CMBL: variants seen among roughly 807,000 people sequenced by gnomAD.
The protein encoded by CMBL is carboxymethylenebutenolidase homolog, also known as carboxymethylenebutenolidase homolog (Pseudomonas).
In CMBL, 17 loss-of-function variants were observed where a neutral mutation model predicts 28.7. The observed-to-expected ratio is 0.59, with a 90% CI of 0.41 to 0.89. CMBL has a LOEUF of 0.89. Ranked by LOEUF, CMBL falls within the 40% of genes least tolerant of loss-of-function variation. CMBL has a pLI of 0.00. For missense variants in CMBL, 310 were observed against 298.5 expected (o/e 1.04, Z -0.28); for synonymous variants, 106 against 101.6 (o/e 1.04, Z -0.26).
chr5:10,284,836 C>T lies in CMBL; in HGVS notation c.466+1518G>A, dbSNP rs534460346. 5.3e-5 allele frequency among the ~76,000 whole-genome samples: 8 copies of T among 152,208 alleles called. No homozygotes were observed. In the East Asian group the frequency reaches 1.5e-3, roughly 29 times the overall value. On this transcript the variant is annotated intron_variant, in intron 4 of 5. Transcript: ENST00000296658. Reference sequence around the variant, plus strand: ...ATGTGTCTTTTTTGTTTTCGTTTATCTATTGGTCTGAATGCTTCTATATCA... The same window carrying T: ...ATGTGTCTTTTTTGTTTTCGTTTATTTATTGGTCTGAATGCTTCTATATCA...
intron 1 of CMBL, among the ~76,000 whole-genome samples, chr5:10,295,973 G>T (rs1244019350): frequency 6.6e-6 from 1 of 152,222 alleles, no homozygotes; most frequent in East Asian, 1.9e-4. Context: ...CTAAGCACGG[G>T]AAGGCTGTGA....
At chr5:10,304,982 T>C (rs1746971015) in intron 1 of CMBL, among the ~76,000 whole-genome samples, 1 of 152,154 alleles carries the variant, frequency 6.6e-6, no homozygotes, top group African/African-American at 2.4e-5. Flanking sequence ...ATGAGGTCCT[T>C]TATTGTGAGT....
intron 1 of CMBL, among the ~76,000 whole-genome samples, chr5:10,298,844 G>A (rs1478196017): frequency 6.6e-6 from 1 of 152,224 alleles, no homozygotes; most frequent in African/African-American, 2.4e-5. Context: ...AGTCAGACGA[G>A]ATCGCGCCAC....
chr5:10,283,576 C>T (rs564763091), intron 4 of CMBL, among the ~76,000 whole-genome samples: 2 of 152,106 alleles, frequency 1.3e-5, no homozygotes, highest in Non-Finnish European at 2.9e-5. Context: ...GTCAGGAGTT[C>T]GAGACCAGCC....
At chr5:10,280,773 C>A (rs1746484832) in intron 5 of CMBL, 141 bp from the exon 6 acceptor site, 2 of 764,454 alleles carry the variant, frequency 2.6e-6, no homozygotes, top group Non-Finnish European at 4.0e-6. Context: ...GAATTCTTTC[C>A]CACTAATTTT....
intron 1 of CMBL, among the ~76,000 whole-genome samples, chr5:10,292,449 C>T (rs1746740304): frequency 6.6e-6 from 1 of 152,164 alleles, no homozygotes. Flanking sequence ...TAGGCTCAAG[C>T]AATCATCCCA....
At chr5:10,298,398 T>C (rs1053361042) in intron 1 of CMBL, among the ~76,000 whole-genome samples, 11 of 151,064 alleles carry the variant, frequency 7.3e-5, no homozygotes, top group Admixed American at 4.6e-4. Context: ...GTAACCAATT[T>C]AAAAAAAAAG....
In CMBL at chr5:10,290,556, AT is replaced by A. The variant is rs1424152085; in HGVS notation, c.206del (p.Asn69MetfsTer12). 1 of 1,612,596 alleles carries A rather than the reference AT, an allele frequency of 6.2e-7. No individual in the cohort carries two copies. Among genetic ancestry groups the A allele is most frequent in the Non-Finnish European group, 8.5e-7 (1 of 1,178,534 alleles). On this transcript the variant is annotated frameshift_variant, in exon 2 of 6. Coordinates refer to ENST00000296658, the MANE Select transcript of CMBL (RefSeq NM_138809.4). LOFTEE classifies it high-confidence loss of function. Reference protein sequence around the residue: ...TRYIADMISGNGYTTIVPDFF... With the variant: ...TRYIADMISGXGYTTIVPDFF... ...CACAACTTTATACATACGTGTATCCATTTCCTGAGATCATGTCAGCTATATA... is the reference window on the plus strand; with the variant it reads ...CACAACTTTATACATACGTGTATCCATTCCTGAGATCATGTCAGCTATATA...
intron 4 of CMBL, among the ~76,000 whole-genome samples, 154 bp from the exon 5 acceptor site, chr5:10,282,442 A>C (rs972614006): frequency 1.3e-5 from 2 of 151,992 alleles, no homozygotes; most frequent in African/African-American, 4.8e-5. Context: ...TGCGGACTTT[A>C]TTTTCTTTTT....
chr5:10,297,013 C>T (rs759065054), intron 1 of CMBL, among the ~76,000 whole-genome samples: 8 of 151,996 alleles, frequency 5.3e-5, no homozygotes, highest in Non-Finnish European at 7.4e-5. Flanking sequence ...GGTAAAAACC[C>T]GTCTCTACTA....
chr5:10,293,998 A>G (rs1026534300), intron 1 of CMBL, among the ~76,000 whole-genome samples: 1 of 152,222 alleles, frequency 6.6e-6, no homozygotes, highest in African/African-American at 2.4e-5. Flanking sequence ...GAAAGGCACC[A>G]TTTGGGCAAA....
rs1006978882 is a variant in CMBL, at chr5:10,289,627, G to A, written c.215+921C>T. ...AGCCCAGTCATGCCCTCAGCACTGCGTCTGGCTGAGCAACTGAAACTAGCT... is the reference window on the plus strand; with the variant it reads ...AGCCCAGTCATGCCCTCAGCACTGCATCTGGCTGAGCAACTGAAACTAGCT... On this transcript the variant is annotated intron_variant, in intron 2 of 5. Coordinates refer to ENST00000296658, the MANE Select transcript of CMBL (RefSeq NM_138809.4). The surrounding 1 kb of genome is among the most constrained non-coding windows in gnomAD (Gnocchi z 4.3). Among the ~76,000 whole-genome samples, 3 of 152,216 alleles carry A rather than the reference G, an allele frequency of 2.0e-5. No individual in the cohort carries two copies. The highest frequency in any genetic ancestry group is 1.9e-4 in the East Asian group (1 of 5,194).
At chr5:10,294,795 AAGG>A (rs1397026857) in intron 1 of CMBL, among the ~76,000 whole-genome samples, 2 of 152,190 alleles carry the variant, frequency 1.3e-5, no homozygotes, top group Admixed American at 6.5e-5. Flanking sequence ...CATCAGACAA[AAGG>A]AGGAGTCCGT....
chr5:10,280,302 G>C lies in CMBL; in HGVS notation c.*151C>G, dbSNP rs578137648. ...AAAATTAAATTATTTCATGCATTACGTCCTACTGAATTTGTGTTTCAAATG... is the reference window on the plus strand; with the variant it reads ...AAAATTAAATTATTTCATGCATTACCTCCTACTGAATTTGTGTTTCAAATG... On this transcript the variant is annotated 3_prime_UTR_variant, in exon 6 of 6. Coordinates refer to ENST00000296658, the MANE Select transcript of CMBL (RefSeq NM_138809.4). The C allele has an allele frequency of 1.7e-6, 1 of 571,834 alleles. No individual in the cohort carries two copies. Among genetic ancestry groups the C allele is most frequent in the Middle Eastern group, 2.8e-4 (1 of 3,574 alleles). The allele number at this position is 571,834 out of a possible 1,614,324, so 35.4% of individuals were successfully genotyped here.
In CMBL at chr5:10,279,079, C is replaced by T. The variant is rs148740556; in HGVS notation, c.*1374G>A. Among the ~76,000 whole-genome samples, 747 of 152,304 alleles carry T rather than the reference C, an allele frequency of 4.9e-3. 4 individuals carry two copies. The highest frequency in any genetic ancestry group is 7.7e-3 in the Non-Finnish European group (524 of 68,028). ...TGCCCAAAGTCACATGTACGCACCC[C>T]GTAGGTGCAGGTGCAGAGTTTCTCA... On this transcript the variant is annotated 3_prime_UTR_variant, in exon 6 of 6. Transcript: ENST00000296658.
chr5:10,302,868 T>C (rs1746934034), intron 1 of CMBL, among the ~76,000 whole-genome samples: 1 of 152,256 alleles, frequency 6.6e-6, no homozygotes, highest in African/African-American at 2.4e-5. Flanking sequence ...AGCTATCTCT[T>C]GTAGGGGAAA....
intron 1 of CMBL, among the ~76,000 whole-genome samples, chr5:10,294,659 C>A (rs1746778946): frequency 6.6e-6 from 1 of 152,036 alleles, no homozygotes; most frequent in Non-Finnish European, 1.5e-5. Flanking sequence ...GCTCCAGCAA[C>A]AATCCAGCCA....
chr5:10,299,015 C>G (rs1024470506), intron 1 of CMBL, among the ~76,000 whole-genome samples: 19 of 152,248 alleles, frequency 1.2e-4, no homozygotes, highest in Admixed American at 1.2e-3. Flanking sequence ...TTTATATATG[C>G]TTGAGATTTT....
chr5:10,291,009 G>A (rs1746704030), intron 1 of CMBL, among the ~76,000 whole-genome samples: 1 of 152,164 alleles, frequency 6.6e-6, no homozygotes, highest in African/African-American at 2.4e-5. Flanking sequence ...AAATAGCGAT[G>A]AAAGAACTCA....
Sources: gnomAD v4.1 joint callset for allele counts (sites outside exome capture counted in the v4.1 genomes callset) on GRCh38, gnomAD v4.1.1 for gene constraint, Gnocchi (gnomAD v3.1) non-coding constraint, MANE v1.5 for transcripts, NCBI Gene and HGNC (gene_info 2026-07-23, HGNC 2026-07-21) for gene names.